Variants in CA4 observed in about 807,000 individuals in gnomAD.
CA4 encodes CA-IV.
In CA4, 24 loss-of-function variants were observed where a neutral mutation model predicts 34.5. The observed-to-expected ratio is 0.70, with a 90% CI of 0.50 to 0.98. The LOEUF (loss-of-function observed/expected upper bound fraction) is 0.98, where lower values mean the gene tolerates loss of function less well. Among genes scored for constraint, CA4 ranks in the 50% least tolerant of loss-of-function variants. The pLI is 0.00. For synonymous variants in CA4, 178 were observed against 170.6 expected (o/e 1.04, Z -0.34); for missense variants, 394 against 396.7 (o/e 0.99, Z 0.06).
chr17:60,161,475 A>C (rs145950790), downstream of CA4, among the ~76,000 whole-genome samples: 259 of 152,070 alleles, frequency 1.7e-3, 2 homozygotes, highest in Middle Eastern at 6.8e-3. Context: ...GGAGGTAGAG[A>C]GCTTCCTCAC....
At chr17:60,151,873 G>A (rs1431233175) in intron 1 of CA4, among the ~76,000 whole-genome samples, 1 of 152,118 alleles carries the variant, frequency 6.6e-6, no homozygotes, top group Non-Finnish European at 1.5e-5. Flanking sequence ...ACAAGAGGCC[G>A]GGTGAGGATA....
downstream of CA4, among the ~76,000 whole-genome samples, chr17:60,162,202 A>T (rs1236573846): frequency 6.6e-6 from 1 of 152,016 alleles, no homozygotes; most frequent in Non-Finnish European, 1.5e-5. Context: ...CAGCCAAGTC[A>T]CCAGGGCCAG....
chr17:60,176,144 C>T, the CA4 span, among the ~76,000 whole-genome samples: 1 of 152,028 alleles, frequency 6.6e-6, no homozygotes, highest in East Asian at 1.9e-4. Flanking sequence ...TGTGTATTCT[C>T]GTTTTTGGAA....
downstream of CA4, among the ~76,000 whole-genome samples, chr17:60,164,116 GA>G (rs996409265): frequency 2.2e-4 from 30 of 138,102 alleles, no homozygotes; most frequent in East Asian, 1.9e-3. Context: ...CTCAAAAAAG[GA>G]AAAAAAAAAA....
At chr17:60,158,652 G>A in intron 7 of CA4, 1 of 605,910 alleles carries the variant, frequency 1.7e-6, no homozygotes, top group Non-Finnish European at 2.9e-6. Flanking sequence ...AGGAGGCAGG[G>A]GAAGGTGGAG....
intron 5 of CA4, among the ~76,000 whole-genome samples, chr17:60,164,733 CAG>C (rs2145299100): frequency 6.6e-6 from 1 of 152,226 alleles, no homozygotes; most frequent in South Asian, 2.1e-4. Flanking sequence ...GTGCCAGGGA[CAG>C]AGGATTTAGG....
At chr17:60,175,848 C>T (rs1322697296), downstream of CA4, among the ~76,000 whole-genome samples, 33 of 137,542 alleles carry the variant, frequency 2.4e-4, no homozygotes, top group African/African-American at 3.3e-4. Flanking sequence ...GACGGAGTTT[C>T]GCTCGTTTCC....
intron 1 of CA4, 36 bp from the exon 2 acceptor site, chr17:60,155,278 C>A: frequency 6.3e-7 from 1 of 1,597,676 alleles, no homozygotes; most frequent in Non-Finnish European, 8.6e-7. Flanking sequence ...ACAAGACACA[C>A]GCACGCACAC....
chr17:60,157,882 G>A (rs1268140536), intron 5 of CA4, 94 bp downstream of exon 5: 65 of 1,501,660 alleles, frequency 4.3e-5, no homozygotes, highest in Non-Finnish European at 5.8e-5. Context: ...GCAGGAGGGG[G>A]CGGGGAGACT....
the CA4 span, among the ~76,000 whole-genome samples, chr17:60,178,060 A>G: frequency 6.6e-6 from 1 of 152,224 alleles, no homozygotes; most frequent in Non-Finnish European, 1.5e-5. Context: ...ATAACTTTCG[A>G]TGACTACTGT....
Position 60,157,802 on chromosome 17 carries a change from C to A in CA4, c.513+14C>A. ...TTTCTGGTGGAGGTGGGACTCCCAT[C>A]CCCCACTTCCCGGGGAACCCGGGGC... On this transcript the variant is annotated intron_variant, in intron 5 of 7. Transcript: ENST00000300900. 1 of 1,601,424 alleles carries A rather than the reference C, an allele frequency of 6.2e-7. No individual in the cohort carries two copies. Among genetic ancestry groups the A allele is most frequent in the Non-Finnish European group, 8.6e-7 (1 of 1,168,490 alleles).
At chr17:60,171,872 G>A (rs1045497701), downstream of CA4, among the ~76,000 whole-genome samples, 2 of 152,206 alleles carry the variant, frequency 1.3e-5, no homozygotes, top group African/African-American at 4.8e-5. Flanking sequence ...AGGGGGAACC[G>A]AGGCGCGGAC....
intron 5 of CA4, among the ~76,000 whole-genome samples, chr17:60,167,578 A>T (rs2083868214): frequency 6.6e-6 from 1 of 152,238 alleles, no homozygotes; most frequent in South Asian, 2.1e-4. Flanking sequence ...ACTACCAGGC[A>T]CCATTCCAGG....
chr17:60,169,015 G>T (rs888581280), intron 5 of CA4, among the ~76,000 whole-genome samples: 1 of 152,130 alleles, frequency 6.6e-6, no homozygotes, highest in Non-Finnish European at 1.5e-5. Context: ...GGGAGGCCAA[G>T]GTGGGCAGAT....
chr17:60,158,019 G>C, intron 5 of CA4, 42 bp from the exon 6 acceptor site: 1 of 1,609,128 alleles, frequency 6.2e-7, no homozygotes, highest in Admixed American at 1.7e-5. Context: ...ACCACCACTG[G>C]CTCCCTGCAG....
chr17:60,169,759 G>A (rs1486116806), intron 5 of CA4, among the ~76,000 whole-genome samples: 2 of 152,212 alleles, frequency 1.3e-5, no homozygotes, highest in African/African-American at 4.8e-5. Flanking sequence ...ACAGTGCTGG[G>A]ATTACAGGCG....
intron 5 of CA4, among the ~76,000 whole-genome samples, chr17:60,165,500 G>A (rs2083846095): frequency 6.6e-6 from 1 of 152,180 alleles, no homozygotes; most frequent in Non-Finnish European, 1.5e-5. Flanking sequence ...CCTGAAAGAA[G>A]GGGCTCTCGG....
downstream of CA4, among the ~76,000 whole-genome samples, chr17:60,162,918 G>C (rs1200077806): frequency 2.6e-5 from 4 of 152,326 alleles, no homozygotes; most frequent in East Asian, 7.7e-4. Context: ...GGGGCAGGGT[G>C]GGGGCTGCAG....
intron 5 of CA4, 79 bp from the exon 6 acceptor site, chr17:60,157,981 GC>G: frequency 6.3e-7 from 1 of 1,579,136 alleles, no homozygotes; most frequent in Non-Finnish European, 8.6e-7. Context: ...CTGGCCTTCC[GC>G]CCCCAGATCG....
Sources: allele counts gnomAD v4.1 joint callset (sites outside exome capture counted in the v4.1 genomes callset), GRCh38; gene constraint gnomAD v4.1.1; transcripts MANE v1.5; gene names NCBI Gene and HGNC (gene_info 2026-07-23, HGNC 2026-07-21).